The following HIGD2B variants were observed in gnomAD, a reference collection of about 807,000 sequenced individuals.
The protein encoded by HIGD2B is HIG1 domain family member 2B.
For missense variants in HIGD2B, 106 were observed against 67.0 expected (o/e 1.58, Z -2.03); for synonymous variants, 45 against 28.1 (o/e 1.60, Z -1.90).
intron 1 of HIGD2B, among the ~76,000 whole-genome samples, chr15:72,684,116 G>T (rs2064778110): frequency 6.6e-6 from 1 of 152,026 alleles, no homozygotes; most frequent in South Asian, 2.1e-4. Context: ...CTTGAAAAAA[G>T]AATTGGACAA....
chr15:72,677,768 A>G (rs1486470172), intron 2 of HIGD2B, among the ~76,000 whole-genome samples: 5 of 100,486 alleles, frequency 5.0e-5, no homozygotes, highest in African/African-American at 1.4e-4. Flanking sequence ...ATCTCTAAAA[A>G]TTAAAAAAAA....
chr15:72,676,379 A>G lies in HIGD2B; in HGVS notation c.-5T>C. On this transcript the variant is annotated 5_prime_UTR_variant, in exon 3 of 3. An upstream open reading frame in the 5' UTR loses its in-frame stop. Coordinates refer to ENST00000311755, the MANE Select transcript of HIGD2B (RefSeq NM_001350932.3). The stretch of plus-strand genomic sequence containing the variant: ...CACAAAGCCGAGAGTCGCCATGCCT[A>G]GGCCACAGCTGCAGGAGAAAATCCT... 1 of 730,946 alleles carries G rather than the reference A, an allele frequency of 1.4e-6. No homozygotes were observed. The highest frequency in any genetic ancestry group is 2.5e-6 in the Non-Finnish European group (1 of 404,074). 45.3% of individuals were successfully genotyped at this position (730,946 alleles called of 1,614,324 possible). A position where few individuals can be genotyped will look rare whatever the true frequency, so the allele number is the denominator to read the frequency against.
chr15:72,685,711 G>C (rs2064814437), intron 1 of HIGD2B, 107 bp downstream of exon 1: 1 of 183,928 alleles, frequency 5.4e-6, no homozygotes, highest in Admixed American at 5.3e-5. Flanking sequence ...TTCAAATGCA[G>C]CCCACCAGGA....
chr15:72,683,664 A>C lies in HIGD2B; in HGVS notation c.-193+2154T>G, dbSNP rs2064772921. On this transcript the variant is annotated intron_variant, in intron 1 of 2. Transcript: ENST00000311755. ...GAGACCAGCCTAGGTAACATGATGA[A>C]ACCCCATCTTTACAAAAGATACAAA... is the stretch of plus-strand genomic sequence containing the variant. 2.0e-5 allele frequency among the ~76,000 whole-genome samples: 3 copies of C among 152,036 alleles called. No homozygotes were observed. The South Asian group carries it at 6.2e-4, about 32-fold the overall frequency.
At position 72,684,032 on chromosome 15, in the gene HIGD2B, G is replaced by A. The variant is rs1323977579; in HGVS notation, c.-193+1786C>T. Among the ~76,000 whole-genome samples the A allele has an allele frequency of 5.3e-5, 8 of 152,006 alleles. No individual in the cohort carries two copies. In the East Asian group the frequency reaches 1.6e-3, roughly 30 times the overall value. ...AATTTAGCACCAGGCATGGTGACTG[G>A]TGCCTGTAATCCTAGCTACTTGAGA... On this transcript the variant is annotated intron_variant, in intron 1 of 2. Transcript: ENST00000311755.
chr15:72,680,746 G>A (rs1312313904), intron 1 of HIGD2B, among the ~76,000 whole-genome samples: 1 of 152,152 alleles, frequency 6.6e-6, no homozygotes, highest in Non-Finnish European at 1.5e-5. Flanking sequence ...AAATTAGCTG[G>A]CCGTGGTGGC....
rs1344424947 is a variant in HIGD2B at position 72,686,149 on chromosome 15, C to T, written c.-524G>A. ...CTTCCCCCGCTTCCTCACAGTCCTC[C>T]ACAGCCCTACGACTTCCGCTTGCCT... On this transcript the variant is annotated 5_prime_UTR_variant, in exon 1 of 3. Transcript: ENST00000311755. The T allele has an allele frequency of 6.9e-6, 10 of 1,448,328 alleles. No individual in the cohort carries two copies. Among genetic ancestry groups the T allele is most frequent in the East Asian group, 2.5e-5 (1 of 40,472 alleles). 89.7% of individuals were successfully genotyped at this position (1,448,328 alleles called of 1,614,324 possible). A position where few individuals can be genotyped will look rare whatever the true frequency, so the allele number is the denominator to read the frequency against.
chr15:72,685,940 T>TACC lies in HIGD2B; in HGVS notation c.-318_-316dup, dbSNP rs1209279191. On this transcript the variant is annotated 5_prime_UTR_variant, in exon 1 of 3. The change abolishes the stop of an existing upstream ORF in the 5' untranslated region. Coordinates refer to ENST00000311755, the MANE Select transcript of HIGD2B (RefSeq NM_001350932.3). ...AGGCTGCCATCCCAGGTGGCTGGCC[T>TACC]ACCAGCCAGCGCGGCCGGAGGTACA... 1 of 545,682 alleles carries TACC rather than the reference T, an allele frequency of 1.8e-6. No homozygotes were observed. The highest frequency in any genetic ancestry group is 1.9e-5 in the African/African-American group (1 of 52,718). The allele number at this position is 545,682 out of a possible 1,614,324, so 33.8% of individuals were successfully genotyped here.
chr15:72,679,723 C>T (rs1284018864), intron 2 of HIGD2B, among the ~76,000 whole-genome samples: 1 of 151,962 alleles, frequency 6.6e-6, no homozygotes, highest in African/African-American at 2.4e-5. Flanking sequence ...TTTGAGCCTA[C>T]CTTTTTAAAA....
chr15:72,679,793 C>T (rs2064729928), intron 2 of HIGD2B, among the ~76,000 whole-genome samples: 1 of 152,024 alleles, frequency 6.6e-6, no homozygotes, highest in African/African-American at 2.4e-5. Flanking sequence ...CCTGTTGGTA[C>T]CAAAAACCTT....
intron 2 of HIGD2B, 41 bp from the exon 3 acceptor site, chr15:72,676,428 G>A (rs1456457491): frequency 6.2e-6 from 4 of 643,886 alleles, no homozygotes; most frequent in Non-Finnish European, 1.1e-5. Context: ...TTTTTGAGAA[G>A]GAGTCTTGCT....
At chr15:72,681,245 C>T (rs1366499344) in intron 1 of HIGD2B, among the ~76,000 whole-genome samples, 1 of 152,096 alleles carries the variant, frequency 6.6e-6, no homozygotes, top group Non-Finnish European at 1.5e-5. Flanking sequence ...TACATAGTTC[C>T]TTATAAATTC....
In HIGD2B at chr15:72,676,050, G is replaced by T; in HGVS notation, c.*4C>A. 1 of 744,134 alleles carries T rather than the reference G, an allele frequency of 1.3e-6. No homozygotes were observed. The highest frequency in any genetic ancestry group is 2.5e-5 in the East Asian group (1 of 40,074). The allele number at this position is 744,134 out of a possible 1,614,324, so 46.1% of individuals were successfully genotyped here. The stretch of plus-strand genomic sequence containing the variant: ...ATTTCTGCAGAGTTTTCAAGACCCT[G>T]GGCTCAGGGTGGAGACTTCATAGCG... On this transcript the variant is annotated 3_prime_UTR_variant, in exon 3 of 3. Coordinates refer to ENST00000311755, the MANE Select transcript of HIGD2B (RefSeq NM_001350932.3).
At chr15:72,685,472 C>A (rs1273982015) in intron 1 of HIGD2B, among the ~76,000 whole-genome samples, 1 of 152,146 alleles carries the variant, frequency 6.6e-6, no homozygotes, top group Non-Finnish European at 1.5e-5. Context: ...AAAGCCCACA[C>A]GTTTTCCTAG....
At chr15:72,676,585 A>G (rs1454173598) in intron 2 of HIGD2B, among the ~76,000 whole-genome samples, 198 bp from the exon 3 acceptor site, 1 of 151,582 alleles carries the variant, frequency 6.6e-6, no homozygotes, top group Non-Finnish European at 1.5e-5. Context: ...TAATTTTCAT[A>G]TTTGTATTTT....
At chr15:72,683,702 G>A (rs1289873687) in intron 1 of HIGD2B, among the ~76,000 whole-genome samples, 6 of 151,920 alleles carry the variant, frequency 3.9e-5, no homozygotes, top group African/African-American at 9.7e-5. Context: ...TTAGCTGGGT[G>A]TGGTGGCATG....
At position 72,676,392 on chromosome 15, in the gene HIGD2B, A is replaced by T. The variant is rs778112797; in HGVS notation, c.-13-5T>A. The stretch of plus-strand genomic sequence containing the variant: ...GTCGCCATGCCTAGGCCACAGCTGC[A>T]GGAGAAAATCCTTTGTTTTTTTTTT... On this transcript the variant is annotated splice_polypyrimidine_tract_variant and splice_region_variant and intron_variant, in intron 2 of 2. Coordinates refer to ENST00000311755, the MANE Select transcript of HIGD2B (RefSeq NM_001350932.3). The T allele has an allele frequency of 4.3e-6, 3 of 701,814 alleles. No homozygotes were observed. The allele number at this position is 701,814 out of a possible 1,614,324, so 43.5% of individuals were successfully genotyped here. A position where few individuals can be genotyped will look rare whatever the true frequency, so the allele number is the denominator to read the frequency against.
intron 2 of HIGD2B, among the ~76,000 whole-genome samples, chr15:72,678,039 ACT>A (rs2064711418): frequency 6.6e-6 from 1 of 152,020 alleles, no homozygotes; most frequent in African/African-American, 2.4e-5. Context: ...TTGCTAAAAG[ACT>A]CTATCCCTGC....
rs2064690304 is a variant in HIGD2B at position 72,676,299 on chromosome 15, G to A, written c.76C>T (p.Pro26Ser). ...CCCTCTGGATTGCTGTAAACAGTGGGGCTAAGCCCCTCAAAGATGGGGGGC... is the reference window on the plus strand; with the variant it reads ...CCCTCTGGATTGCTGTAAACAGTGGAGCTAAGCCCCTCAAAGATGGGGGGC... ...SKPPIFEGLSPTVYSNPEGFK... is the reference protein window; with the variant it reads ...SKPPIFEGLSSTVYSNPEGFK... Residue 26 changes from proline (P) to serine (S), a missense_variant, in exon 3 of 3, where the codon CCC becomes TCC. Physicochemically the swap from Pro to Ser is moderately conservative, Grantham distance 74 (BLOSUM62 -1). Transcript: ENST00000311755. 1.3e-6 allele frequency: 1 copy of A among 763,650 alleles called. No individual in the cohort carries two copies. The highest frequency in any genetic ancestry group is 1.7e-5 in the Admixed American group (1 of 58,264). The allele number at this position is 763,650 out of a possible 1,614,324, so 47.3% of individuals were successfully genotyped here.
Sources: allele counts gnomAD v4.1 joint callset (sites outside exome capture counted in the v4.1 genomes callset), GRCh38; gene constraint gnomAD v4.1.1; transcripts MANE v1.5; gene names NCBI Gene and HGNC (gene_info 2026-07-23, HGNC 2026-07-21).